SYT14: variants seen among roughly 807,000 people sequenced by gnomAD.
SYT14 encodes the protein synaptotagmin 14.
A neutral mutation model predicts 74.2 loss-of-function variants in SYT14; 32 were observed. The ratio of observed to expected loss-of-function variants is 0.43; its 90% CI spans 0.33 to 0.58. SYT14 has a LOEUF of 0.58. Among genes scored for constraint, SYT14 ranks in the 20% least tolerant of loss-of-function variants. SYT14 has a pLI of 0.05. For missense variants in SYT14, 791 were observed against 981.8 expected (o/e 0.81, Z 2.60); for synonymous variants, 298 against 337.7 (o/e 0.88, Z 1.29).
At chr1:209,958,950 C>A (rs965015572) in intron 2 of SYT14, among the ~76,000 whole-genome samples, 1 of 151,930 alleles carries the variant, frequency 6.6e-6, no homozygotes, top group East Asian at 1.9e-4. Flanking sequence ...ATTGGAACTC[C>A]CATCTATTGC....
At chr1:209,985,479 C>T (rs1416498479) in intron 2 of SYT14, among the ~76,000 whole-genome samples, 3 of 152,232 alleles carry the variant, frequency 2.0e-5, no homozygotes, top group Admixed American at 2.0e-4. Flanking sequence ...GGGTCAGCCC[C>T]CACATCTGTT....
intron 2 of SYT14, among the ~76,000 whole-genome samples, chr1:209,978,706 G>A (rs1437319437): frequency 1.3e-5 from 2 of 152,200 alleles, no homozygotes; most frequent in Admixed American, 6.5e-5. Flanking sequence ...GCTGCGTGCT[G>A]GGAGAACCAC....
intron 2 of SYT14, among the ~76,000 whole-genome samples, chr1:209,978,623 G>A (rs550918549): frequency 1.1e-3 from 164 of 152,182 alleles, no homozygotes; most frequent in Middle Eastern, 6.3e-3. Flanking sequence ...CTACTGGGGG[G>A]TGCCTCCCAG....
At chr1:210,158,754 G>T (rs1490563429) in intron 8 of SYT14, among the ~76,000 whole-genome samples, 3 of 152,120 alleles carry the variant, frequency 2.0e-5, no homozygotes, top group Non-Finnish European at 4.4e-5. Context: ...TAACTAGAAA[G>T]TAAGTATAAG....
intron 2 of SYT14, among the ~76,000 whole-genome samples, chr1:209,985,513 T>G (rs898234462): frequency 1.6e-4 from 25 of 152,196 alleles, no homozygotes; most frequent in Admixed American, 1.6e-3. Context: ...GTTGAGTGCT[T>G]GTGGCTTTTC....
chr1:210,122,533 G>A (rs2082487684), intron 7 of SYT14, among the ~76,000 whole-genome samples: 1 of 150,608 alleles, frequency 6.6e-6, no homozygotes, highest in East Asian at 1.9e-4. Flanking sequence ...AGCAGGGGTT[G>A]GCAAACTTTT....
chr1:210,120,852 C>A (rs1356251051), intron 7 of SYT14, among the ~76,000 whole-genome samples: 1 of 152,006 alleles, frequency 6.6e-6, no homozygotes, highest in Non-Finnish European at 1.5e-5. Flanking sequence ...TAGCACTGTC[C>A]TTTAAGCTGT....
intron 5 of SYT14, among the ~76,000 whole-genome samples, chr1:210,087,822 T>C (rs2081768391): frequency 6.6e-6 from 1 of 152,176 alleles, no homozygotes; most frequent in Non-Finnish European, 1.5e-5. Context: ...GGCTCTAATG[T>C]GGCTCTGCAC....
chr1:209,949,125 A>G (rs951845923), intron 1 of SYT14, among the ~76,000 whole-genome samples: 1 of 152,254 alleles, frequency 6.6e-6, no homozygotes, highest in Non-Finnish European at 1.5e-5. Context: ...CAAAATAGAC[A>G]TAAAATTTGT....
chr1:210,129,565 C>A (rs148568935), intron 7 of SYT14, among the ~76,000 whole-genome samples: 1 of 152,198 alleles, frequency 6.6e-6, no homozygotes, highest in African/African-American at 2.4e-5. Flanking sequence ...AGGGACATAA[C>A]CAGCTAATGT....
At chr1:210,069,372 G>T (rs1411052644) in intron 5 of SYT14, among the ~76,000 whole-genome samples, 10 of 151,908 alleles carry the variant, frequency 6.6e-5, no homozygotes, top group Admixed American at 6.6e-4. Flanking sequence ...GGAGAGATAT[G>T]TAATATCTTC....
intron 7 of SYT14, among the ~76,000 whole-genome samples, chr1:210,113,709 G>A (rs1430689686): frequency 6.6e-6 from 1 of 150,946 alleles, no homozygotes; most frequent in East Asian, 1.9e-4. Context: ...TTGAACTGGG[G>A]AAAAGGGTGG....
At chr1:210,033,937 T>C (rs1289212700) in intron 5 of SYT14, among the ~76,000 whole-genome samples, 2 of 151,814 alleles carry the variant, frequency 1.3e-5, no homozygotes, top group African/African-American at 4.8e-5. Context: ...TTTTTTATAA[T>C]TTCATAGTGA....
At position 210,170,738 on chromosome 1, in the gene SYT14, A is replaced by G. The variant is rs1249988313; in HGVS notation, c.*9696A>G. ...CAAAATAAAATAATGTCAATTACAT[A>G]AGGAAATATCAAATGGATATATGTA... On this transcript the variant is annotated 3_prime_UTR_variant, in exon 10 of 10. Coordinates refer to ENST00000637265, the Ensembl canonical transcript of SYT14. The G allele has an allele frequency of 2.0e-5, 3 of 152,152 alleles. No homozygotes were observed. In the East Asian group the frequency reaches 5.8e-4, roughly 29 times the overall value. The allele number at this position is 152,152 out of a possible 1,614,324, so 9.4% of individuals were successfully genotyped here.
At chr1:209,979,921 G>A (rs2079450464) in intron 2 of SYT14, among the ~76,000 whole-genome samples, 1 of 152,174 alleles carries the variant, frequency 6.6e-6, no homozygotes, top group South Asian at 2.1e-4. Context: ...ACATGTGCAT[G>A]CATATGTCTT....
chr1:210,099,394 TTG>T (rs1347472807), intron 6 of SYT14, among the ~76,000 whole-genome samples: 1 of 152,226 alleles, frequency 6.6e-6, no homozygotes, highest in African/African-American at 2.4e-5. Context: ...ATGTTTTTAA[TTG>T]TGTTTAGAAA....
chr1:210,159,289 A>T, intron 8 of SYT14, 132 bp from the exon 8 acceptor site: 1 of 874,820 alleles, frequency 1.1e-6, no homozygotes. Flanking sequence ...CTGAATTAAA[A>T]TGCTAAAGTT....
exon 10 of SYT14, chr1:210,161,729 C>T (rs1456513062): frequency 4.4e-6 from 2 of 453,784 alleles, no homozygotes; most frequent in Admixed American, 4.7e-5. Flanking sequence ...TCGCCTGATC[C>T]AAAGAGACCA....
intron 7 of SYT14, among the ~76,000 whole-genome samples, chr1:210,140,734 C>T (rs1359263552): frequency 3.9e-5 from 6 of 151,904 alleles, no homozygotes; most frequent in Admixed American, 3.9e-4. Context: ...TCCAGTTGTC[C>T]CAACAATTTG....
Sources: allele counts gnomAD v4.1 joint callset (sites outside exome capture counted in the v4.1 genomes callset), GRCh38; gene constraint gnomAD v4.1.1; transcripts MANE v1.5; gene names NCBI Gene and HGNC (gene_info 2026-07-23, HGNC 2026-07-21).